LHFPL6: variants seen among roughly 807,000 people sequenced by gnomAD.
LHFPL6 encodes the protein LHFPL tetraspan subfamily member 6 protein.
LHFPL6 carries 9 observed loss-of-function variants against 20.6 expected under a neutral mutation model. The observed-to-expected ratio is 0.44, with a 90% confidence interval of 0.26 to 0.76. The LOEUF is 0.76. Among genes scored for constraint, LHFPL6 ranks in the 30% least tolerant of loss-of-function variants. The probability of loss-of-function intolerance (pLI) is 0.20; values close to 1 mark genes in which losing one functional copy is unlikely to be tolerated. For synonymous variants in LHFPL6, 105 were observed against 98.7 expected (o/e 1.06, Z -0.38); for missense variants, 218 against 253.5 (o/e 0.86, Z 0.95).
intron 3 of LHFPL6, among the ~76,000 whole-genome samples, chr13:39,345,298 C>T (rs138774771): frequency 0.01 from 1,588 of 151,904 alleles, 29 homozygotes; most frequent in African/African-American, 0.037. Flanking sequence ...GGATCACCTG[C>T]GGTCAGGAGT....
At chr13:39,456,172 T>C (rs1872564117) in intron 2 of LHFPL6, among the ~76,000 whole-genome samples, 1 of 152,238 alleles carries the variant, frequency 6.6e-6, no homozygotes, top group Non-Finnish European at 1.5e-5. Flanking sequence ...TTAACCAATC[T>C]GGGCCACATC....
intron 2 of LHFPL6, among the ~76,000 whole-genome samples, chr13:39,580,523 T>C (rs567000897): frequency 5.3e-5 from 8 of 152,320 alleles, no homozygotes; most frequent in South Asian, 2.1e-4. Context: ...CCTTTCTTTG[T>C]AGTTCTTCCT....
chr13:39,399,134 T>C (rs991870762), intron 2 of LHFPL6, among the ~76,000 whole-genome samples: 1 of 152,210 alleles, frequency 6.6e-6, no homozygotes, highest in African/African-American at 2.4e-5. Flanking sequence ...CCAGACACCA[T>C]AAAAGGGGCT....
intron 2 of LHFPL6, among the ~76,000 whole-genome samples, chr13:39,544,288 T>C (rs1440314851): frequency 6.6e-6 from 1 of 152,240 alleles, no homozygotes; most frequent in Non-Finnish European, 1.5e-5. Flanking sequence ...TGCCGCTATA[T>C]AATTTTTTGC....
chr13:39,383,924 G>C (rs977372353), intron 2 of LHFPL6, among the ~76,000 whole-genome samples: 1 of 152,172 alleles, frequency 6.6e-6, no homozygotes, highest in African/African-American at 2.4e-5. Context: ...ATCAGCTGTA[G>C]CTTCTTTTGA....
intron 2 of LHFPL6, among the ~76,000 whole-genome samples, chr13:39,503,187 C>T (rs1396744221): frequency 6.6e-6 from 1 of 152,184 alleles, no homozygotes; most frequent in Non-Finnish European, 1.5e-5. Context: ...GACCCGGCAC[C>T]CTCAACCACT....
In LHFPL6 at chr13:39,562,693, CACAT is replaced by C. The variant is rs759953555; in HGVS notation, c.385+38135_385+38138del. Among the ~76,000 whole-genome samples the C allele has an allele frequency of 5.4e-3, 747 of 137,468 alleles. 8 individuals are homozygous for C. The highest frequency in any genetic ancestry group is 8.4e-3 in the African/African-American group (320 of 38,312). The allele number at this position is 137,468 out of a possible 152,430, so 90.2% of individuals were successfully genotyped here. A position where few individuals can be genotyped will look rare whatever the true frequency, so the allele number is the denominator to read the frequency against. On this transcript the variant is annotated intron_variant, in intron 2 of 3. Transcript: ENST00000379589. ...ACACACATATATACACACACACACA[CACAT>C]ATATATATATACACACACACACTAC...
intron 2 of LHFPL6, among the ~76,000 whole-genome samples, chr13:39,586,904 C>G (rs1370657577): frequency 6.6e-6 from 1 of 152,066 alleles, no homozygotes; most frequent in Non-Finnish European, 1.5e-5. Flanking sequence ...CGCCTGTAAT[C>G]CTAGCACTTT....
intron 2 of LHFPL6, among the ~76,000 whole-genome samples, chr13:39,446,447 G>A (rs1344772254): frequency 1.3e-5 from 2 of 152,186 alleles, no homozygotes; most frequent in Admixed American, 1.3e-4. Context: ...ACTATGGTGG[G>A]TGCAGAAGTT....
intron 2 of LHFPL6, among the ~76,000 whole-genome samples, chr13:39,533,386 C>T (rs1174783873): frequency 6.6e-6 from 1 of 150,980 alleles, no homozygotes; most frequent in East Asian, 1.9e-4. Context: ...GATGGCAGCT[C>T]CTGTTTCTAC....
At chr13:39,434,734 C>A (rs1410299571) in intron 2 of LHFPL6, among the ~76,000 whole-genome samples, 1 of 152,100 alleles carries the variant, frequency 6.6e-6, no homozygotes, top group East Asian at 1.9e-4. Context: ...TAAAAAAATG[C>A]CAATGTTACT....
intron 2 of LHFPL6, among the ~76,000 whole-genome samples, chr13:39,477,562 G>GAAA (rs1358450182): frequency 6.6e-6 from 1 of 152,170 alleles, no homozygotes; most frequent in African/African-American, 2.4e-5. Context: ...CTGTCAAGGA[G>GAAA]AAGAGAGTTC....
intron 2 of LHFPL6, among the ~76,000 whole-genome samples, chr13:39,401,465 T>C (rs904990395): frequency 2.0e-5 from 3 of 152,176 alleles, no homozygotes; most frequent in Non-Finnish European, 2.9e-5. Context: ...TCAGATTCAA[T>C]AAGGTGTGGA....
chr13:39,364,425 C>G (rs1869959265), intron 3 of LHFPL6, among the ~76,000 whole-genome samples: 1 of 152,192 alleles, frequency 6.6e-6, no homozygotes, highest in South Asian at 2.1e-4. Context: ...TCACCCCATC[C>G]TGAAATCCCA....
intron 3 of LHFPL6, among the ~76,000 whole-genome samples, chr13:39,352,000 A>G (rs74044034): frequency 2.0e-5 from 3 of 152,186 alleles, no homozygotes; most frequent in African/African-American, 7.2e-5. Context: ...TTTAAATTTA[A>G]TTCAGCCAAA....
intron 2 of LHFPL6, among the ~76,000 whole-genome samples, chr13:39,381,796 G>A (rs1284470302): frequency 6.7e-6 from 1 of 149,058 alleles, no homozygotes; most frequent in African/African-American, 2.5e-5. Context: ...AGACTCCCGG[G>A]ATACCTTCTG....
At chr13:39,405,269 T>TA (rs1414091819) in intron 2 of LHFPL6, among the ~76,000 whole-genome samples, 1 of 152,220 alleles carries the variant, frequency 6.6e-6, no homozygotes, top group Admixed American at 6.5e-5. Flanking sequence ...TGAATTTCAT[T>TA]ACCCAGCAAG....
intron 2 of LHFPL6, among the ~76,000 whole-genome samples, chr13:39,597,748 A>G (rs1249062241): frequency 1.3e-5 from 2 of 152,246 alleles, no homozygotes; most frequent in East Asian, 3.8e-4. Context: ...TTCCTACTAT[A>G]GGTAGAAAAT....
chr13:39,359,030 C>A (rs142214518), intron 3 of LHFPL6, among the ~76,000 whole-genome samples: 1 of 150,884 alleles, frequency 6.6e-6, no homozygotes, highest in African/African-American at 2.5e-5. Context: ...ATCAGCAGGG[C>A]GGGCGCCTGT....
Sources: allele counts gnomAD v4.1 joint callset (sites outside exome capture counted in the v4.1 genomes callset), GRCh38; gene constraint gnomAD v4.1.1; transcripts MANE v1.5; gene names NCBI Gene and HGNC (gene_info 2026-07-23, HGNC 2026-07-21).